The following STXBP5 variants were observed in gnomAD, a reference collection of about 807,000 sequenced individuals.
STXBP5 encodes syntaxin-binding protein 5.
Under a neutral mutation model 152.4 loss-of-function variants are expected in STXBP5, and 50 were observed. The observed-to-expected ratio is 0.33, with a 90% CI of 0.26 to 0.42. The LOEUF is 0.42. STXBP5 is among the 10% of genes least tolerant of loss of function. The probability of loss-of-function intolerance (pLI) is 1.00; values close to 1 mark genes in which losing one functional copy is unlikely to be tolerated. For synonymous variants in STXBP5, 492 were observed against 494.7 expected, an observed-to-expected ratio of 0.99 and a Z score of 0.07; for missense variants, 1,167 against 1,388.6, an observed-to-expected ratio of 0.84 and a Z score of 2.54.
intron 22 of STXBP5, 83 bp downstream of exon 22, chr6:147,353,456 A>T (rs1393224826): frequency 1.1e-6 from 1 of 903,672 alleles, no homozygotes; most frequent in Non-Finnish European, 1.6e-6. Flanking sequence ...TTACTGTAAG[A>T]TAGTCATTGG....
At chr6:147,256,992 A>T (rs1779400219) in intron 4 of STXBP5, among the ~76,000 whole-genome samples, 1 of 152,112 alleles carries the variant, frequency 6.6e-6, no homozygotes, top group African/African-American at 2.4e-5. Flanking sequence ...ATAATATTTG[A>T]CAGGCTGCTG....
chr6:147,369,057 G>A (rs1164962471), intron 25 of STXBP5, among the ~76,000 whole-genome samples: 1 of 151,572 alleles, frequency 6.6e-6, no homozygotes, highest in African/African-American at 2.4e-5. Context: ...AAAATGGAAG[G>A]GCTAACACTA....
chr6:147,253,015 G>T (rs949666826), intron 4 of STXBP5, among the ~76,000 whole-genome samples: 2 of 152,054 alleles, frequency 1.3e-5, no homozygotes, highest in East Asian at 3.9e-4. Flanking sequence ...AAAAAAAGAA[G>T]TTTTCAAGAC....
At chr6:147,355,286 T>C (rs1784764501) in intron 22 of STXBP5, among the ~76,000 whole-genome samples, 1 of 152,190 alleles carries the variant, frequency 6.6e-6, no homozygotes, top group South Asian at 2.1e-4. Flanking sequence ...GCATTATGTT[T>C]TGATTTGGGA....
chr6:147,285,063 C>T (rs1363114599), intron 8 of STXBP5, among the ~76,000 whole-genome samples: 2 of 151,964 alleles, frequency 1.3e-5, no homozygotes, highest in Admixed American at 6.6e-5. Flanking sequence ...AGGACTTAAA[C>T]CAATTATTTG....
chr6:147,317,749 C>T (rs1782714225), intron 16 of STXBP5, among the ~76,000 whole-genome samples: 1 of 152,182 alleles, frequency 6.6e-6, no homozygotes, highest in Non-Finnish European at 1.5e-5. Flanking sequence ...AGTTCTAGCA[C>T]ATGTTTTAAC....
chr6:147,333,708 C>G (rs1783694402), intron 18 of STXBP5, among the ~76,000 whole-genome samples: 1 of 152,054 alleles, frequency 6.6e-6, no homozygotes, highest in African/African-American at 2.4e-5. Context: ...TGTCTTTTAC[C>G]AAAGTAATAG....
chr6:147,333,517 C>G (rs1452660158), intron 18 of STXBP5, among the ~76,000 whole-genome samples: 1 of 152,156 alleles, frequency 6.6e-6, no homozygotes, highest in Non-Finnish European at 1.5e-5. Flanking sequence ...GAGGGAAACT[C>G]CGTCATAAAA....
chr6:147,208,942 C>T (rs1776709967), intron 2 of STXBP5, among the ~76,000 whole-genome samples: 1 of 151,984 alleles, frequency 6.6e-6, no homozygotes, highest in Non-Finnish European at 1.5e-5. Flanking sequence ...TAGCAAATGA[C>T]ATATGATATA....
intron 4 of STXBP5, among the ~76,000 whole-genome samples, chr6:147,251,266 G>A (rs1340070239): frequency 2.6e-5 from 4 of 152,176 alleles, no homozygotes; most frequent in Non-Finnish European, 4.4e-5. Flanking sequence ...CAGATACTAC[G>A]CTTTTCCCAC....
chr6:147,373,598 A>G, intron 25 of STXBP5, 133 bp from the exon 26 acceptor site: 1 of 633,926 alleles, frequency 1.6e-6, no homozygotes, highest in Admixed American at 2.7e-5. Flanking sequence ...ATCGTAGGAC[A>G]TGTACTCATT....
chr6:147,332,066 G>C (rs529103036), intron 18 of STXBP5, among the ~76,000 whole-genome samples: 1 of 152,346 alleles, frequency 6.6e-6, no homozygotes, highest in Non-Finnish European at 1.5e-5. Flanking sequence ...TAATTGGGTT[G>C]AGTGAGATAG....
chr6:147,229,636 T>C (rs908013978), intron 2 of STXBP5, among the ~76,000 whole-genome samples: 19 of 152,106 alleles, frequency 1.2e-4, no homozygotes, highest in African/African-American at 4.6e-4. Flanking sequence ...GATGTTATTG[T>C]AAGTGGAATT....
chr6:147,229,906 G>A (rs761709699), intron 2 of STXBP5, among the ~76,000 whole-genome samples: 2 of 151,804 alleles, frequency 1.3e-5, no homozygotes, highest in Admixed American at 6.6e-5. Flanking sequence ...TAGATGAGTG[G>A]TGAGAATGGA....
chr6:147,208,263 A>G (rs1288870538), intron 2 of STXBP5, among the ~76,000 whole-genome samples: 2 of 152,154 alleles, frequency 1.3e-5, no homozygotes, highest in African/African-American at 4.8e-5. Context: ...CTTGCTTGCC[A>G]GTAATACCAC....
chr6:147,275,930 C>T (rs1240704022), intron 7 of STXBP5, among the ~76,000 whole-genome samples: 1 of 152,098 alleles, frequency 6.6e-6, no homozygotes, highest in East Asian at 1.9e-4. Context: ...AGCCAATTCA[C>T]ACACAAAATT....
At chr6:147,354,164 GT>G (rs1413541161) in intron 22 of STXBP5, among the ~76,000 whole-genome samples, 1 of 151,996 alleles carries the variant, frequency 6.6e-6, no homozygotes, top group Non-Finnish European at 1.5e-5. Flanking sequence ...CCTCACCACT[GT>G]TTATTCTCTA....
chr6:147,233,901 T>C (rs1385313125), intron 2 of STXBP5, among the ~76,000 whole-genome samples: 3 of 149,770 alleles, frequency 2.0e-5, no homozygotes, highest in Non-Finnish European at 3.0e-5. Flanking sequence ...CTATTACTAC[T>C]AACAATAATT....
chr6:147,373,363 CAAAAAAAAAAAAAAA>C (rs11341887), intron 25 of STXBP5, among the ~76,000 whole-genome samples: 2 of 67,718 alleles, frequency 3.0e-5, no homozygotes, highest in Admixed American at 4.0e-4. Context: ...GAGACTGTCT[CAAAAAAAAAAAAAAA>C]AAAAAAAAAA....
Sources: gnomAD v4.1 joint callset for allele counts (sites outside exome capture counted in the v4.1 genomes callset) on GRCh38, gnomAD v4.1.1 for gene constraint, MANE v1.5 for transcripts, NCBI Gene and HGNC (gene_info 2026-07-23, HGNC 2026-07-21) for gene names.